MIER2: variants seen among roughly 807,000 people sequenced by gnomAD.
MIER2 encodes MIER family member 2, also known as mesoderm induction early response protein 2.
MIER2 carries 30 observed loss-of-function variants against 67.6 expected under a neutral mutation model. The ratio of observed to expected loss-of-function variants is 0.44; its 90% CI spans 0.33 to 0.60. The LOEUF (loss-of-function observed/expected upper bound fraction) is 0.60, where lower values mean the gene tolerates loss of function less well. MIER2 is among the 20% of genes least tolerant of loss of function. MIER2 has a pLI of 0.02. For synonymous variants in MIER2, 372 were observed against 312.6 expected (o/e 1.19, Z -2.00); for missense variants, 702 against 745.1 (o/e 0.94, Z 0.67).
intron 3 of MIER2, among the ~76,000 whole-genome samples, chr19:332,040 G>A (rs1972050608): frequency 6.6e-6 from 1 of 152,054 alleles, no homozygotes; most frequent in Admixed American, 6.6e-5. Context: ...AAAGAGATAT[G>A]GAAAACTAAA....
rs1271872613 is a variant in MIER2 at position 334,529 on chromosome 19, G to A, written c.114C>T (p.Gly38=). 2.5e-6 allele frequency: 4 copies of A among 1,613,968 alleles called. No homozygotes were observed. The highest frequency in any genetic ancestry group is 1.3e-5 in the African/African-American group (1 of 75,058). ...CGAGGTTGAACTGATGGTCTCCAGA[G>A]CCCATGGACACCACTGGGGAGAAGA... ...GLQTTAVVSM[G]SGDHQFNLAE... The change falls in exon 3 of 14, where the codon GGC becomes GGT. Residue 38 remains glycine (G), a synonymous_variant. Transcript: ENST00000264819.
Position 307,199 on chromosome 19 carries a change from G to T in MIER2, c.1536C>A (p.Ile512=), listed in dbSNP as rs756698863. 3.1e-6 allele frequency: 5 copies of T among 1,591,108 alleles called. No homozygotes were observed. The highest frequency in any genetic ancestry group is 2.7e-5 in the African/African-American group (2 of 74,606). The change falls in exon 13 of 14, where the codon ATC becomes ATA. Residue 512 remains isoleucine (I), a synonymous_variant. Transcript: ENST00000264819. ...VALSVTEFGL[I]GIGDVNPFLA... is the part of the protein sequence containing the mutation. ...GGAAGGGGTTCACGTCCCCAATGCC[G>T]ATGAGTCCAAACTCGGTGACCGACA...
Position 308,803 on chromosome 19 carries a change from G to A in MIER2, c.1107C>T (p.Thr369=), listed in dbSNP as rs745533591. Residue 369 remains threonine (T), a splice_region_variant and synonymous_variant, in exon 11 of 14, where the codon ACC becomes ACT. Transcript: ENST00000264819. The surrounding 1 kb of genome is among the most constrained non-coding windows in gnomAD (Gnocchi z 9.1). ...LGRRKYVPSG[T]TDADQDLDGS... The stretch of plus-strand genomic sequence containing the variant: ...CTGCTGGGGAGGGCTGCACGCACGT[G>A]GTTCCGGACGGGACGTACTTCCTCC... 3 of 1,601,312 alleles carry A rather than the reference G, an allele frequency of 1.9e-6. No individual in the cohort carries two copies. Among genetic ancestry groups the A allele is most frequent in the South Asian group, 2.2e-5 (2 of 90,870 alleles).
In MIER2 at chr19:311,837, G is replaced by C. The variant is rs1971018732; in HGVS notation, c.984+8C>G. On this transcript the variant is annotated splice_region_variant and intron_variant, in intron 10 of 13. Transcript: ENST00000264819. ...GCCCCCGGTGGAGCCTGGCAGTGGA[G>C]TCCGCACCTTGTTGGCCTGGATCAG... The C allele has an allele frequency of 1.9e-6, 3 of 1,613,862 alleles. No individual in the cohort carries two copies. The highest frequency in any genetic ancestry group is 2.5e-6 in the Non-Finnish European group (3 of 1,179,892).
chr19:341,078 A>G (rs762797543), intron 1 of MIER2, among the ~76,000 whole-genome samples: 3 of 152,206 alleles, frequency 2.0e-5, no homozygotes, highest in Non-Finnish European at 2.9e-5. Flanking sequence ...CGCGGTGTGA[A>G]GCCACAGGGA....
In MIER2 at chr19:307,382, G is replaced by A. The variant is rs536976950; in HGVS notation, c.1353C>T (p.Asp451=). The change falls in exon 13 of 14, where the codon GAC becomes GAT. Residue 451 remains aspartate, a synonymous_variant. Coordinates refer to ENST00000264819, the MANE Select transcript of MIER2 (RefSeq NM_017550.3). ...TGACAGCTGGCTGGTATGAGGCTGG[G>A]TCGGCCAGGGCTGGGGGCCGATGGG... is the stretch of plus-strand genomic sequence containing the variant. ...PLSHRPPALA[D]PASYQPAVTA... is the part of the protein sequence containing the mutation. 1.7e-4 allele frequency: 274 copies of A among 1,607,264 alleles called. 3 individuals are homozygous for A. The South Asian group carries it at 2.8e-3, about 17-fold the overall frequency.
At chr19:313,371 C>A in intron 8 of MIER2, 121 bp downstream of exon 8, 1 of 1,472,084 alleles carries the variant, frequency 6.8e-7, no homozygotes, top group South Asian at 1.3e-5. Flanking sequence ...CCCTGGCCCC[C>A]ACACACCTGA....
chr19:307,318 C>T lies in MIER2; in HGVS notation c.1417G>A (p.Asp473Asn), dbSNP rs781222131. Residue 473 changes from aspartate (D) to asparagine (N), a missense_variant, in exon 13 of 14, where the codon GAC becomes AAC. This residue lies in a region of MIER2 where 254 missense variants were observed against 262.8 expected (regional missense o/e 0.97). Transcript: ENST00000264819. ...EPDASPRLAVDFALPKELPLI... is the reference protein window; with the variant it reads ...EPDASPRLAVNFALPKELPLI... ...GGCAGCTCCTTGGGCAGGGCGAAGT[C>T]CACGGCCAGCCTTGGGCTGGCGTCT... 2.1e-5 allele frequency: 33 copies of T among 1,601,110 alleles called. No homozygotes were observed. Among genetic ancestry groups the T allele is most frequent in the South Asian group, 1.8e-4 (16 of 88,784 alleles).
At chr19:326,976 C>G (rs1424964215) in intron 5 of MIER2, 157 bp downstream of exon 5, 1 of 1,072,340 alleles carries the variant, frequency 9.3e-7, no homozygotes, top group Non-Finnish European at 1.3e-6. Flanking sequence ...TGGAGGAGAA[C>G]AAAGCACCCC....
rs373850937 is a variant in MIER2, at chr19:309,880, G to A, written c.985-955C>T. ...CAGGGAGACGAGAAGGGACACACAC[G>A]CACACAAGGCTTCAGGGACACGAGA... On this transcript the variant is annotated intron_variant, in intron 10 of 13. Transcript: ENST00000264819. 3.4e-3 allele frequency among the ~76,000 whole-genome samples: 64 copies of A among 18,770 alleles called. 2 individuals are homozygous for A. The highest frequency in any genetic ancestry group is 0.013 in the Admixed American group (17 of 1,334). The allele number at this position is 18,770 out of a possible 152,430, so 12.3% of individuals were successfully genotyped here.
In MIER2 at chr19:307,352, A is replaced by C. The variant is rs150356291; in HGVS notation, c.1383T>G (p.Ala461=). 49 of 1,605,178 alleles carry C rather than the reference A, an allele frequency of 3.1e-5. 3 individuals carry two copies. The highest frequency in any genetic ancestry group is 3.0e-4 in the South Asian group (27 of 89,234). ...GCCTTGGGCTGGCGTCTGGCTCCGG[A>C]GCAGTGACAGCTGGCTGGTATGAGG... ...DPASYQPAVT[A]PEPDASPRLA... The change falls in exon 13 of 14, where the codon GCT becomes GCG. Residue 461 remains alanine, a synonymous_variant. Coordinates refer to ENST00000264819, the MANE Select transcript of MIER2 (RefSeq NM_017550.3).
chr19:329,333 G>T (rs1160646061), intron 3 of MIER2, among the ~76,000 whole-genome samples: 2 of 152,206 alleles, frequency 1.3e-5, no homozygotes, highest in African/African-American at 4.8e-5. Flanking sequence ...GGATTATGAA[G>T]GTGGGAAGGT....
At chr19:319,957 C>A (rs1212928375) in intron 7 of MIER2, among the ~76,000 whole-genome samples, 1 of 152,168 alleles carries the variant, frequency 6.6e-6, no homozygotes, top group African/African-American at 2.4e-5. Flanking sequence ...GGATTAAATA[C>A]GTATATGTTG....
intron 3 of MIER2, among the ~76,000 whole-genome samples, chr19:330,670 G>A (rs1248037853): frequency 6.6e-6 from 1 of 151,968 alleles, no homozygotes; most frequent in African/African-American, 2.4e-5. Flanking sequence ...AGGTAATTAA[G>A]GTTCAAGGAG....
chr19:321,609 A>G (rs143162592), intron 7 of MIER2, among the ~76,000 whole-genome samples: 10,138 of 151,988 alleles, frequency 0.067, 465 homozygotes, highest in Middle Eastern at 0.11. Context: ...ATGCCACTGC[A>G]CTCCAGCCTG....
chr19:326,713 T>G, intron 5 of MIER2, 115 bp from the exon 6 acceptor site: 1 of 831,748 alleles, frequency 1.2e-6, no homozygotes, highest in Non-Finnish European at 2.0e-6. Flanking sequence ...ACCCTCTCTC[T>G]GGCCAGACAT....
chr19:309,401 G>A (rs570098150), intron 10 of MIER2, among the ~76,000 whole-genome samples: 4 of 152,214 alleles, frequency 2.6e-5, no homozygotes, highest in African/African-American at 4.8e-5. Context: ...GCACAAGCCC[G>A]CGGCGCCTGC....
At chr19:336,831 T>C (rs1013697747) in intron 1 of MIER2, among the ~76,000 whole-genome samples, 1 of 152,196 alleles carries the variant, frequency 6.6e-6, no homozygotes, top group African/African-American at 2.4e-5. Flanking sequence ...GTTACCATTA[T>C]CACAATGTTC....
chr19:334,314 T>A, intron 3 of MIER2, 86 bp downstream of exon 3: 1 of 1,563,130 alleles, frequency 6.4e-7, no homozygotes, highest in Non-Finnish European at 8.7e-7. Flanking sequence ...CACTTACCAA[T>A]GTGGAATCTG....
Sources: allele counts gnomAD v4.1 joint callset (sites outside exome capture counted in the v4.1 genomes callset), GRCh38; gene constraint gnomAD v4.1.1; regional missense constraint gnomAD v4.1.1; non-coding constraint Gnocchi (gnomAD v3.1); transcripts MANE v1.5; gene names NCBI Gene and HGNC (gene_info 2026-07-23, HGNC 2026-07-21).